Variants in PTPRQ observed in about 807,000 individuals in gnomAD.
PTPRQ encodes phosphatidylinositol phosphatase PTPRQ.
In PTPRQ, 199 loss-of-function variants were observed where a neutral mutation model predicts 246.0. The ratio of observed to expected loss-of-function variants is 0.81; its 90% CI spans 0.72 to 0.91. The LOEUF is 0.91. Ranked by LOEUF, PTPRQ falls within the 40% of genes least tolerant of loss-of-function variation. The pLI, the probability that PTPRQ is intolerant of heterozygous loss-of-function variation, is 0.00. For synonymous variants in PTPRQ, 869 were observed against 853.2 expected (o/e 1.02, Z -0.32); for missense variants, 2,624 against 2,528.4 (o/e 1.04, Z -0.81).
intron 16 of PTPRQ, among the ~76,000 whole-genome samples, chr12:80,507,191 C>A (rs1294120158): frequency 6.7e-6 from 1 of 148,580 alleles, no homozygotes; most frequent in Non-Finnish European, 1.5e-5. Flanking sequence ...TTTAAACATA[C>A]CTTTCCCTAA....
At chr12:80,573,138 T>C (rs1383145320) in intron 25 of PTPRQ, among the ~76,000 whole-genome samples, 1 of 152,202 alleles carries the variant, frequency 6.6e-6, no homozygotes, top group African/African-American at 2.4e-5. Context: ...GTGGCAGATT[T>C]TGTATTACTT....
intron 39 of PTPRQ, among the ~76,000 whole-genome samples, chr12:80,662,274 C>T (rs1404802879): frequency 6.6e-6 from 1 of 151,800 alleles, no homozygotes; most frequent in African/African-American, 2.4e-5. Flanking sequence ...AACTGAATAA[C>T]TGCTGTATGA....
rs1721289903 is a variant in PTPRQ at position 80,632,246 on chromosome 12, T to C, written c.5741T>C (p.Ile1914Thr). Residue 1914 changes from isoleucine (I) to threonine (T), a missense_variant, in exon 34 of 45, where the codon ATC becomes ACC. Coordinates refer to ENST00000644991, the MANE Select transcript of PTPRQ (RefSeq NM_001145026.2). ...VEIILSVTLC[I>T]LSIILLGTAI... ...ATCATTCTTTCCGTCACTTTGTGTA[T>C]CCTTTCAATAATTCTCCTTGGAACA... The C allele has an allele frequency of 6.4e-7, 1 of 1,551,458 alleles. No individual in the cohort carries two copies. The highest frequency in any genetic ancestry group is 1.4e-5 in the African/African-American group (1 of 73,144).
In PTPRQ at chr12:80,535,500, G is replaced by A. The variant is rs576800970; in HGVS notation, c.2985+463G>A. On this transcript the variant is annotated intron_variant, in intron 19 of 44. Coordinates refer to ENST00000644991, the MANE Select transcript of PTPRQ (RefSeq NM_001145026.2). ...TAAAAAAAGTTTTTGATAGCAGGAA[G>A]GGTTATTATAATAATAGTATATTAG... Among the ~76,000 whole-genome samples the A allele has an allele frequency of 3.3e-5, 5 of 152,186 alleles. No individual in the cohort carries two copies. In the South Asian group the frequency reaches 1.0e-3, roughly 32 times the overall value.
At chr12:80,665,525 G>GT (rs1218629526) in intron 39 of PTPRQ, among the ~76,000 whole-genome samples, 10 of 151,872 alleles carry the variant, frequency 6.6e-5, no homozygotes, top group Non-Finnish European at 2.9e-5. Flanking sequence ...TCCAATGTGA[G>GT]TTTTTTATTT....
chr12:80,467,219 A>G (rs1382652349), intron 6 of PTPRQ, among the ~76,000 whole-genome samples: 1 of 152,174 alleles, frequency 6.6e-6, no homozygotes, highest in Non-Finnish European at 1.5e-5. Context: ...CACTTCTCAA[A>G]AGAAGACATT....
intron 3 of PTPRQ, among the ~76,000 whole-genome samples, chr12:80,455,728 CT>C (rs1230120689): frequency 6.6e-6 from 1 of 151,630 alleles, no homozygotes; most frequent in Non-Finnish European, 1.5e-5. Context: ...ATAGCTGGGA[CT>C]AGAGGCGCCC....
At chr12:80,551,745 T>G (rs75909670) in intron 25 of PTPRQ, among the ~76,000 whole-genome samples, 2,367 of 152,186 alleles carry the variant, frequency 0.016, 67 homozygotes, top group African/African-American at 0.053. Flanking sequence ...TCTTATATCC[T>G]TTTATTGTAT....
chr12:80,471,954 T>C (rs1893652006), intron 7 of PTPRQ, 151 bp from the exon 8 acceptor site: 1 of 882,070 alleles, frequency 1.1e-6, no homozygotes, highest in African/African-American at 1.7e-5. Context: ...CTAAGCCACA[T>C]GTTTAAAATA....
intron 35 of PTPRQ, among the ~76,000 whole-genome samples, chr12:80,640,981 A>C (rs1899835007): frequency 6.6e-6 from 1 of 152,140 alleles, no homozygotes; most frequent in African/African-American, 2.4e-5. Flanking sequence ...TCTACATCTG[A>C]TGGGTGGAAA....
At chr12:80,574,536 T>C (rs548121173) in intron 25 of PTPRQ, among the ~76,000 whole-genome samples, 53 of 152,330 alleles carry the variant, frequency 3.5e-4, no homozygotes, top group Non-Finnish European at 2.6e-4. Flanking sequence ...ATTTTTAGCA[T>C]TATATTTTAA....
intron 19 of PTPRQ, among the ~76,000 whole-genome samples, chr12:80,537,639 C>A (rs1462843431): frequency 6.6e-6 from 1 of 152,176 alleles, no homozygotes; most frequent in Non-Finnish European, 1.5e-5. Context: ...GCGAAGCCAT[C>A]TTTCCTTTTT....
chr12:80,646,501 G>T (rs1267344175), intron 35 of PTPRQ, among the ~76,000 whole-genome samples: 1 of 152,110 alleles, frequency 6.6e-6, no homozygotes, highest in African/African-American at 2.4e-5. Context: ...AGGGAGCTGG[G>T]GTATTTATCC....
chr12:80,504,177 C>A (rs1894885445), intron 14 of PTPRQ, among the ~76,000 whole-genome samples: 1 of 151,596 alleles, frequency 6.6e-6, no homozygotes, highest in Non-Finnish European at 1.5e-5. Flanking sequence ...GTCTCAACTG[C>A]CATTTTATAT....
chr12:80,463,939 C>T (rs1893302012), intron 6 of PTPRQ, among the ~76,000 whole-genome samples: 1 of 151,824 alleles, frequency 6.6e-6, no homozygotes, highest in Non-Finnish European at 1.5e-5. Context: ...ACCATCGAGA[C>T]TAAGAAGAAA....
intron 12 of PTPRQ, among the ~76,000 whole-genome samples, chr12:80,495,727 A>G (rs1003050576): frequency 6.6e-5 from 10 of 152,018 alleles, no homozygotes; most frequent in African/African-American, 2.4e-4. Context: ...CTGACATGGT[A>G]TTTGTGCCAA....
At chr12:80,529,908 TC>T (rs1195260750) in intron 17 of PTPRQ, among the ~76,000 whole-genome samples, 1 of 152,292 alleles carries the variant, frequency 6.6e-6, no homozygotes, top group African/African-American at 2.4e-5. Context: ...ACTGAGGACT[TC>T]CCTCAAGTTT....
chr12:80,478,551 A>G (rs1319063467), intron 8 of PTPRQ, among the ~76,000 whole-genome samples: 1 of 152,172 alleles, frequency 6.6e-6, no homozygotes, highest in African/African-American at 2.4e-5. Flanking sequence ...ACGAGCTGAG[A>G]GAAGCTTCAG....
chr12:80,588,424 C>G lies in PTPRQ; in HGVS notation c.4581C>G (p.Asn1527Lys), dbSNP rs1565804074. ...ATGCTGGCTATGGCAATGCTTCAAA[C>G]TGGATTTCTACAAAAACTCTGCCTG... The part of the protein sequence containing the change: ...STNAGYGNAS[N>K]WISTKTLPGP... Residue 1527 changes from asparagine (N) to lysine (K), a missense_variant, in exon 26 of 45, where the codon AAC (asparagine) becomes AAG (lysine). Asn to Lys is a moderately conservative substitution (Grantham distance 94, BLOSUM62 0). Transcript: ENST00000644991. 2 of 1,493,230 alleles carry G rather than the reference C, an allele frequency of 1.3e-6. No individual in the cohort carries two copies. Among genetic ancestry groups the G allele is most frequent in the Non-Finnish European group, 1.8e-6 (2 of 1,120,340 alleles). 92.5% of individuals were successfully genotyped at this position (1,493,230 alleles called of 1,614,324 possible).
Sources: gnomAD v4.1 joint callset for allele counts (sites outside exome capture counted in the v4.1 genomes callset) on GRCh38, gnomAD v4.1.1 for gene constraint, MANE v1.5 for transcripts, NCBI Gene and HGNC (gene_info 2026-07-23, HGNC 2026-07-21) for gene names.